Variants in SLC1A2 observed in about 807,000 individuals in gnomAD.
The protein encoded by SLC1A2 is solute carrier family 1 member 2, also known as excitatory amino acid transporter 2.
In SLC1A2, 15 loss-of-function variants were observed where a neutral mutation model predicts 48.8. The ratio of observed to expected loss-of-function variants is 0.31; its 90% CI spans 0.21 to 0.47. The LOEUF is 0.47. Ranked by LOEUF, SLC1A2 falls within the 20% of genes least tolerant of loss-of-function variation. The pLI is 0.99. For missense variants in SLC1A2, 502 were observed against 730.5 expected (o/e 0.69, Z 3.61); for synonymous variants, 279 against 272.6 (o/e 1.02, Z -0.23).
chr11:35,277,795 C>T (rs979433386), intron 9 of SLC1A2, among the ~76,000 whole-genome samples: 36 of 152,114 alleles, frequency 2.4e-4, no homozygotes, highest in South Asian at 4.1e-4. Context: ...ACCCAATTAT[C>T]ACACAGCAAC....
chr11:35,328,354 C>T (rs1852315745), intron 1 of SLC1A2, among the ~76,000 whole-genome samples: 1 of 152,148 alleles, frequency 6.6e-6, no homozygotes, highest in African/African-American at 2.4e-5. Flanking sequence ...ATGATGGTGA[C>T]AATAATGATG....
rs1950320977 is a variant in SLC1A2 at position 35,256,841 on chromosome 11, C to T, written c.*4053G>A. On this transcript the variant is annotated 3_prime_UTR_variant, in exon 11 of 11. Transcript: ENST00000278379. ...TCCACTGGGGTATAACTGCTGTGCA[C>T]TTTTAGTCATCAAACTAGATGAGAG... The T allele has an allele frequency of 6.6e-6, 1 of 151,948 alleles. No homozygotes were observed. Among genetic ancestry groups the T allele is most frequent in the South Asian group, 2.1e-4 (1 of 4,812 alleles). 9.4% of individuals were successfully genotyped at this position (151,948 alleles called of 1,614,324 possible).
At chr11:35,395,079 C>G (rs11033110) in intron 1 of SLC1A2, among the ~76,000 whole-genome samples, 2 of 151,798 alleles carry the variant, frequency 1.3e-5, no homozygotes, top group South Asian at 2.1e-4. Flanking sequence ...GGAACACCCC[C>G]CAATGAACAA....
intron 1 of SLC1A2, among the ~76,000 whole-genome samples, chr11:35,360,540 C>G (rs1853641446): frequency 6.6e-6 from 1 of 152,144 alleles, no homozygotes; most frequent in Non-Finnish European, 1.5e-5. Flanking sequence ...TTAACCCTGA[C>G]CCAGTAAAGT....
intron 1 of SLC1A2, among the ~76,000 whole-genome samples, chr11:35,408,061 C>G (rs575600005): frequency 1.3e-5 from 2 of 152,268 alleles, no homozygotes; most frequent in African/African-American, 4.8e-5. Flanking sequence ...TAATTTCTCT[C>G]CTGAATTCCT....
intron 1 of SLC1A2, chr11:35,370,899 C>T: frequency 3.2e-6 from 3 of 951,064 alleles, no homozygotes; most frequent in Non-Finnish European, 3.8e-6. Context: ...GAAAAGATGG[C>T]TAAGATATAT....
intron 1 of SLC1A2, among the ~76,000 whole-genome samples, chr11:35,343,312 TAC>T (rs1395186605): frequency 1.3e-5 from 2 of 152,254 alleles, no homozygotes; most frequent in African/African-American, 2.4e-5. Flanking sequence ...GACCTCATTA[TAC>T]ACTCATTAAC....
At chr11:35,405,548 A>C (rs1414449626) in intron 1 of SLC1A2, among the ~76,000 whole-genome samples, 1 of 152,164 alleles carries the variant, frequency 6.6e-6, no homozygotes, top group African/African-American at 2.4e-5. Context: ...ATGGAAAGGA[A>C]TAGACAGACA....
chr11:35,324,836 T>C (rs546231028), intron 1 of SLC1A2, among the ~76,000 whole-genome samples: 1 of 152,308 alleles, frequency 6.6e-6, no homozygotes, highest in African/African-American at 2.4e-5. Context: ...AATTTGCTTA[T>C]TTCCAGATAG....
intron 1 of SLC1A2, among the ~76,000 whole-genome samples, chr11:35,382,526 T>C (rs1854461917): frequency 6.6e-6 from 1 of 152,234 alleles, no homozygotes; most frequent in Non-Finnish European, 1.5e-5. Flanking sequence ...CTGGGTGCGG[T>C]GGCTCACGCC....
chr11:35,280,794 C>A, intron 9 of SLC1A2, 73 bp downstream of exon 9: 1 of 1,081,504 alleles, frequency 9.2e-7, no homozygotes. Context: ...ATCTTGGTTG[C>A]AACCTTGCCA....
At chr11:35,267,957 T>C (rs2134623600) in intron 9 of SLC1A2, among the ~76,000 whole-genome samples, 1 of 152,336 alleles carries the variant, frequency 6.6e-6, no homozygotes, top group South Asian at 2.1e-4. Context: ...ACCAGCTTCT[T>C]TTCCCTGGCA....
At chr11:35,325,087 A>G (rs1243327528) in intron 1 of SLC1A2, among the ~76,000 whole-genome samples, 4 of 152,204 alleles carry the variant, frequency 2.6e-5, no homozygotes, top group Admixed American at 2.6e-4. Context: ...AACTTCACAC[A>G]ACATCAACAA....
At position 35,402,893 on chromosome 11, in the gene SLC1A2, A is replaced by G. The variant is rs539070341; in HGVS notation, c.17+16057T>C. On this transcript the variant is annotated intron_variant, in intron 1 of 10. Coordinates refer to ENST00000278379, the MANE Select transcript of SLC1A2 (RefSeq NM_004171.4). The stretch of plus-strand genomic sequence containing the variant: ...AACAACCCTTCGCTAGAGCAAATAC[A>G]GCACTCAAATGATCAAAGAAGCCCA... 3.9e-5 allele frequency among the ~76,000 whole-genome samples: 6 copies of G among 152,384 alleles called. No individual in the cohort carries two copies. In the South Asian group the frequency reaches 1.2e-3, roughly 32 times the overall value.
At chr11:35,401,282 C>T (rs1855132802) in intron 1 of SLC1A2, among the ~76,000 whole-genome samples, 1 of 152,168 alleles carries the variant, frequency 6.6e-6, no homozygotes, top group South Asian at 2.1e-4. Context: ...ACAGGATTTT[C>T]TACAGAAGGG....
At chr11:35,312,554 G>A in intron 3 of SLC1A2, 106 bp from the exon 4 acceptor site, 1 of 1,293,504 alleles carries the variant, frequency 7.7e-7, no homozygotes, top group Non-Finnish European at 1.1e-6. Flanking sequence ...ATGTGTTAAT[G>A]GTTGATTAAA....
At chr11:35,398,576 G>A (rs750812343) in intron 1 of SLC1A2, among the ~76,000 whole-genome samples, 10 of 152,228 alleles carry the variant, frequency 6.6e-5, no homozygotes, top group Admixed American at 1.3e-4. Flanking sequence ...CTTATTAACT[G>A]CATGATGAAA....
intron 1 of SLC1A2, among the ~76,000 whole-genome samples, chr11:35,386,030 G>A (rs2135221744): frequency 6.6e-6 from 1 of 152,294 alleles, no homozygotes; most frequent in Non-Finnish European, 1.5e-5. Flanking sequence ...GCCGGGCATG[G>A]TGGCGGATGC....
intron 1 of SLC1A2, among the ~76,000 whole-genome samples, chr11:35,337,005 A>C (rs1232674517): frequency 1.3e-5 from 2 of 152,120 alleles, no homozygotes; most frequent in Non-Finnish European, 2.9e-5. Flanking sequence ...ATTTGCATTG[A>C]TTTATGTAAA....
Sources: allele counts gnomAD v4.1 joint callset (sites outside exome capture counted in the v4.1 genomes callset), GRCh38; gene constraint gnomAD v4.1.1; transcripts MANE v1.5; gene names NCBI Gene and HGNC (gene_info 2026-07-23, HGNC 2026-07-21).